TCF7L1: variants seen among roughly 807,000 people sequenced by gnomAD.
TCF7L1 encodes the protein transcription factor 7 like 1, also known as transcription factor 7-like 1.
In TCF7L1, 18 loss-of-function variants were observed where a neutral mutation model predicts 63.7. The observed-to-expected ratio is 0.28, with a 90% confidence interval of 0.20 to 0.42. The LOEUF (loss-of-function observed/expected upper bound fraction) is 0.42. Ranked by LOEUF, TCF7L1 falls within the 10% of genes least tolerant of loss-of-function variation. TCF7L1 has a pLI of 1.00. For missense variants in TCF7L1, 654 were observed against 779.3 expected, an observed-to-expected ratio of 0.84 and a Z score of 1.91; for synonymous variants, 355 against 340.9, an observed-to-expected ratio of 1.04 and a Z score of -0.46.
At chr2:85,136,486 G>T (rs1047797621) in intron 3 of TCF7L1, among the ~76,000 whole-genome samples, 1 of 152,144 alleles carries the variant, frequency 6.6e-6, no homozygotes, top group Non-Finnish European at 1.5e-5. Flanking sequence ...GTCTCTGCAT[G>T]CCTCTCTGAC....
intron 3 of TCF7L1, among the ~76,000 whole-genome samples, chr2:85,240,065 A>G (rs1260337528): frequency 6.6e-6 from 1 of 152,238 alleles, no homozygotes; most frequent in African/African-American, 2.4e-5. Context: ...CATGTAATCA[A>G]TTTAAAGACT....
chr2:85,282,115 G>A (rs915880505), intron 3 of TCF7L1, among the ~76,000 whole-genome samples: 8 of 152,176 alleles, frequency 5.3e-5, no homozygotes, highest in African/African-American at 1.9e-4. Context: ...AGCCTCCCGA[G>A]TAGCTGGGAC....
chr2:85,283,585 C>G lies in TCF7L1; in HGVS notation c.525+7C>G. The G allele has an allele frequency of 6.2e-7, 1 of 1,614,168 alleles. No homozygotes were observed. Among genetic ancestry groups the G allele is most frequent in the South Asian group, 1.1e-5 (1 of 91,088 alleles). On this transcript the variant is annotated splice_region_variant and intron_variant, in intron 4 of 11. Transcript: ENST00000282111. ...ACCATCTCCAGCACACTTGGTAAGT[C>G]TGTTTCACCTTAAAGCACCAAAGGG...
chr2:85,266,724 A>C (rs1300266987), intron 3 of TCF7L1, among the ~76,000 whole-genome samples: 4 of 152,280 alleles, frequency 2.6e-5, no homozygotes, highest in Non-Finnish European at 5.9e-5. Flanking sequence ...ACTTTCAATA[A>C]TACAAGTATT....
Position 85,309,583 on chromosome 2 carries a change from C to T in TCF7L1, c.*121C>T. The T allele has an allele frequency of 1.0e-6, 1 of 982,038 alleles. No individual in the cohort carries two copies. Among genetic ancestry groups the T allele is most frequent in the Non-Finnish European group, 1.4e-6 (1 of 708,864 alleles). The allele number at this position is 982,038 out of a possible 1,614,324, so 60.8% of individuals were successfully genotyped here. On this transcript the variant is annotated 3_prime_UTR_variant, in exon 12 of 12. Transcript: ENST00000282111. ...CACTCTGGACTGTTCTGTAAAGTGG[C>T]TGGTAACAACAGCACTTTACAGTTT...
At chr2:85,136,722 A>G (rs1168252553) in intron 3 of TCF7L1, among the ~76,000 whole-genome samples, 1 of 152,080 alleles carries the variant, frequency 6.6e-6, no homozygotes, top group Non-Finnish European at 1.5e-5. Flanking sequence ...TATACTGGGG[A>G]AGTGTCCTGC....
chr2:85,153,339 A>AAT (rs966769672), intron 3 of TCF7L1, among the ~76,000 whole-genome samples: 2 of 77,248 alleles, frequency 2.6e-5, no homozygotes, highest in African/African-American at 1.1e-4. Flanking sequence ...AGCCTTTATA[A>AAT]ATTTTTTTTT....
intron 7 of TCF7L1, 69 bp from the exon 8 acceptor site, chr2:85,305,191 G>A: frequency 6.2e-7 from 1 of 1,609,498 alleles, no homozygotes; most frequent in Non-Finnish European, 8.5e-7. Flanking sequence ...GAGCCACCGT[G>A]TCCTCTGCTG....
At chr2:85,281,479 A>G (rs1681420491) in intron 3 of TCF7L1, among the ~76,000 whole-genome samples, 1 of 152,208 alleles carries the variant, frequency 6.6e-6, no homozygotes, top group African/African-American at 2.4e-5. Flanking sequence ...ATTGATACCA[A>G]TATTTGCCCA....
At chr2:85,198,683 A>G (rs1679209584) in intron 3 of TCF7L1, among the ~76,000 whole-genome samples, 1 of 152,172 alleles carries the variant, frequency 6.6e-6, no homozygotes, top group African/African-American at 2.4e-5. Context: ...AGCCTGGGCA[A>G]CAAAGTGAGA....
In TCF7L1 at chr2:85,134,813, A is replaced by G. The variant is rs2104174854; in HGVS notation, c.441+363A>G. Among the ~76,000 whole-genome samples the G allele has an allele frequency of 6.6e-6, 1 of 152,158 alleles. No individual in the cohort carries two copies. Among genetic ancestry groups the G allele is most frequent in the South Asian group, 2.1e-4 (1 of 4,810 alleles). Reference sequence around the variant, plus strand: ...GTCAGCTTTCTCTGGCAGTGGGGCAAGGGGCCTAGGGAGCTGGGTTGGCGA... The same window carrying G: ...GTCAGCTTTCTCTGGCAGTGGGGCAGGGGGCCTAGGGAGCTGGGTTGGCGA... On this transcript the variant is annotated intron_variant, in intron 3 of 11. Coordinates refer to ENST00000282111, the MANE Select transcript of TCF7L1 (RefSeq NM_031283.3). This position sits in a 1 kb window ranked among gnomAD's most constrained non-coding sequence, Gnocchi z 5.0.
At chr2:85,300,515 G>A (rs752044505) in intron 4 of TCF7L1, among the ~76,000 whole-genome samples, 2 of 152,178 alleles carry the variant, frequency 1.3e-5, no homozygotes, top group Non-Finnish European at 2.9e-5. Context: ...GCTGTGTGCT[G>A]GCGCCACCTG....
At chr2:85,217,771 T>C (rs1368159805) in intron 3 of TCF7L1, among the ~76,000 whole-genome samples, 1 of 152,176 alleles carries the variant, frequency 6.6e-6, no homozygotes, top group Non-Finnish European at 1.5e-5. Context: ...TTTGGGAATA[T>C]TTGCATTATA....
At chr2:85,249,616 C>A (rs1443142888) in intron 3 of TCF7L1, among the ~76,000 whole-genome samples, 1 of 152,226 alleles carries the variant, frequency 6.6e-6, no homozygotes, top group East Asian at 1.9e-4. Context: ...CGGAACCTTC[C>A]TCACAGCCTG....
chr2:85,306,261 C>A lies in TCF7L1; in HGVS notation c.1045C>A (p.Pro349Thr). 6.2e-7 allele frequency: 1 copy of A among 1,614,136 alleles called. No individual in the cohort carries two copies. The highest frequency in any genetic ancestry group is 8.5e-7 in the Non-Finnish European group (1 of 1,180,030). The part of the protein sequence containing the change: ...EEEKKPHVKK[P>T]LNAFMLYMKE... The stretch of plus-strand genomic sequence containing the variant: ...GGAAAAGAAGCCCCACGTGAAGAAG[C>A]CTCTGAATGCCTTCATGTTGTATAT... Residue 349 changes from proline (P) to threonine (T), a missense_variant, in exon 9 of 12, where the codon CCT becomes ACT. Transcript: ENST00000282111. The surrounding 1 kb of genome is among the most constrained non-coding windows in gnomAD (Gnocchi z 4.3).
chr2:85,167,130 G>A (rs760682657), intron 3 of TCF7L1: 5 of 152,170 alleles, frequency 3.3e-5, no homozygotes, highest in Non-Finnish European at 7.3e-5. Flanking sequence ...CTTGGTTAAA[G>A]TTTTCAGCTA....
At chr2:85,189,131 C>T (rs1010646223) in intron 3 of TCF7L1, among the ~76,000 whole-genome samples, 3 of 152,066 alleles carry the variant, frequency 2.0e-5, no homozygotes, top group Admixed American at 2.0e-4. Flanking sequence ...CCCTTCCCCC[C>T]GAAGCAATTA....
chr2:85,191,555 C>T (rs978050810), intron 3 of TCF7L1, among the ~76,000 whole-genome samples: 7 of 152,114 alleles, frequency 4.6e-5, no homozygotes, highest in African/African-American at 1.7e-4. Flanking sequence ...TTCCTTGGCA[C>T]GTGACTCATG....
At chr2:85,175,325 TACCCG>T (rs781337456) in intron 3 of TCF7L1, among the ~76,000 whole-genome samples, 1 of 152,238 alleles carries the variant, frequency 6.6e-6, no homozygotes, top group Non-Finnish European at 1.5e-5. Flanking sequence ...GCTGAAAAAT[TACCCG>T]AATTTTGATA....
Sources: allele counts gnomAD v4.1 joint callset (sites outside exome capture counted in the v4.1 genomes callset), GRCh38; gene constraint gnomAD v4.1.1; non-coding constraint Gnocchi (gnomAD v3.1); transcripts MANE v1.5; gene names NCBI Gene and HGNC (gene_info 2026-07-23, HGNC 2026-07-21).